The following GAD2 variants were observed in gnomAD, a reference collection of about 807,000 sequenced individuals.
The protein encoded by GAD2 is 65 kDa glutamic acid decarboxylase.
Under a neutral mutation model 80.1 loss-of-function variants are expected in GAD2, and 22 were observed. The observed-to-expected ratio is 0.27, with a 90% confidence interval of 0.20 to 0.39. The LOEUF (loss-of-function observed/expected upper bound fraction) is 0.39, where lower values mean the gene tolerates loss of function less well. Ranked by LOEUF, GAD2 falls within the 10% of genes least tolerant of loss-of-function variation. GAD2 has a pLI of 1.00. For synonymous variants in GAD2, 274 were observed against 256.9 expected, an observed-to-expected ratio of 1.07 and a Z score of -0.64; for missense variants, 624 against 738.4, an observed-to-expected ratio of 0.85 and a Z score of 1.80.
chr10:26,264,474 G>GATTTTTTGT (rs377280028), intron 8 of GAD2, among the ~76,000 whole-genome samples: 10,446 of 151,864 alleles, frequency 0.069, 442 homozygotes, highest in Non-Finnish European at 0.098. Flanking sequence ...ACGCCCGGCT[G>GATTTTTTGT]ATTTTTTGTA....
At chr10:26,277,515 C>G (rs1845223685) in intron 11 of GAD2, among the ~76,000 whole-genome samples, 1 of 152,164 alleles carries the variant, frequency 6.6e-6, no homozygotes, top group Non-Finnish European at 1.5e-5. Context: ...TGTGATCTCA[C>G]CTGTGTTCTG....
At position 26,219,065 on chromosome 10, in the gene GAD2, A is replaced by C. The variant is rs1432239821; in HGVS notation, c.309A>C (p.Gly103=). The change falls in exon 4 of 16, where the codon GGA becomes GGC. Residue 103 remains glycine, a synonymous_variant. Coordinates refer to ENST00000376261, the MANE Select transcript of GAD2 (RefSeq NM_001134366.2). ...TAGACCTGCTGCCGGCGTGTGATGG[A>C]GAAAGGCCCACTTTGGCGTTTCTGC... ...HATDLLPACD[G]ERPTLAFLQD... 1 of 1,587,924 alleles carries C rather than the reference A, an allele frequency of 6.3e-7. No homozygotes were observed. Among genetic ancestry groups the C allele is most frequent in the South Asian group, 1.2e-5 (1 of 86,418 alleles).
rs144177235 is a variant in GAD2 at position 26,232,405 on chromosome 10, T to C, written c.840+2628T>C. ...ACTGAGACTTGATCAGGCCATGTGG[T>C]CTGAGGATCTAAAAATAACAATTTT... On this transcript the variant is annotated intron_variant, in intron 7 of 15. Transcript: ENST00000376261. 2.7e-4 allele frequency among the ~76,000 whole-genome samples: 41 copies of C among 152,124 alleles called. No individual in the cohort carries two copies. In the East Asian group the frequency reaches 7.5e-3, roughly 28 times the overall value.
At chr10:26,269,440 G>A (rs139876142) in intron 9 of GAD2, among the ~76,000 whole-genome samples, 80 of 152,328 alleles carry the variant, frequency 5.3e-4, no homozygotes, top group African/African-American at 1.8e-3. Flanking sequence ...ACTGAGGGTT[G>A]GCATGAAACA....
chr10:26,244,166 A>C (rs1421062244), intron 7 of GAD2, among the ~76,000 whole-genome samples: 1 of 152,232 alleles, frequency 6.6e-6, no homozygotes, highest in African/African-American at 2.4e-5. Flanking sequence ...GGAAATGCAA[A>C]TCCGAAGCAT....
At position 26,302,818 on chromosome 10, in the gene GAD2, G is replaced by C. The variant is rs1035430751; in HGVS notation, c.*1857G>C. ...CCCTTTCTGTCTAGAAAAACAAATG[G>C]GTTCACTATGACAATCAGAAATAAA... On this transcript the variant is annotated 3_prime_UTR_variant, in exon 16 of 16. Transcript: ENST00000376261. 24 of 152,212 alleles carry C rather than the reference G, an allele frequency of 1.6e-4. No individual in the cohort carries two copies. Among genetic ancestry groups the C allele is most frequent in the African/African-American group, 5.8e-4 (24 of 41,530 alleles). The allele number at this position is 152,212 out of a possible 1,614,324, so 9.4% of individuals were successfully genotyped here.
intron 8 of GAD2, among the ~76,000 whole-genome samples, chr10:26,249,853 G>A (rs1386174975): frequency 6.6e-6 from 1 of 152,118 alleles, no homozygotes; most frequent in Non-Finnish European, 1.5e-5. Context: ...GAGGAGTGGT[G>A]GGGGAAAGGG....
At chr10:26,280,240 A>G (rs1049025152) in intron 11 of GAD2, among the ~76,000 whole-genome samples, 1 of 152,144 alleles carries the variant, frequency 6.6e-6, no homozygotes, top group East Asian at 1.9e-4. Context: ...GAACTCCAAA[A>G]AACTGAGACA....
chr10:26,280,986 C>T (rs1845264579), intron 11 of GAD2, 23 bp from the exon 12 acceptor site: 4 of 1,602,366 alleles, frequency 2.5e-6, no homozygotes, highest in Non-Finnish European at 2.6e-6. Flanking sequence ...GTGCCACCCG[C>T]TTATGTGATT....
rs189391357 is a variant in GAD2 at position 26,221,951 on chromosome 10, G to A, written c.521-1936G>A. 5.5e-4 allele frequency among the ~76,000 whole-genome samples: 84 copies of A among 152,282 alleles called. 2 individuals carry two copies. Among genetic ancestry groups the A allele is most frequent in the African/African-American group, 2.0e-3 (83 of 41,562 alleles). On this transcript the variant is annotated intron_variant, in intron 4 of 15. Coordinates refer to ENST00000376261, the MANE Select transcript of GAD2 (RefSeq NM_001134366.2). ...GAGAGAGCCCTGCCTTGATTTGCTG[G>A]GCAGCCCTAGGAAGCAGCCTGTAGG...
At position 26,302,729 on chromosome 10, in the gene GAD2, C is replaced by G. The variant is rs1834340142; in HGVS notation, c.*1768C>G. On this transcript the variant is annotated 3_prime_UTR_variant, in exon 16 of 16. Coordinates refer to ENST00000376261, the MANE Select transcript of GAD2 (RefSeq NM_001134366.2). ...ATCTGAAATTTTCATAAGCTTCCCC[C>G]TACATTATTTCTCCTAGGCTATATG... The G allele has an allele frequency of 6.6e-6, 1 of 152,238 alleles. No homozygotes were observed. Among genetic ancestry groups the G allele is most frequent in the Admixed American group, 6.5e-5 (1 of 15,286 alleles). The allele number at this position is 152,238 out of a possible 1,614,324, so 9.4% of individuals were successfully genotyped here. A position where few individuals can be genotyped will look rare whatever the true frequency, so the allele number is the denominator to read the frequency against.
intron 6 of GAD2, among the ~76,000 whole-genome samples, chr10:26,227,485 A>T (rs1844543070): frequency 6.6e-6 from 1 of 152,202 alleles, no homozygotes; most frequent in Non-Finnish European, 1.5e-5. Flanking sequence ...AATGCACATG[A>T]AGAGCACTTT....
At chr10:26,279,055 C>T (rs2132310893) in intron 11 of GAD2, among the ~76,000 whole-genome samples, 1 of 152,120 alleles carries the variant, frequency 6.6e-6, no homozygotes, top group South Asian at 2.1e-4. Context: ...TTCCTTCCTC[C>T]TTTATGCCAC....
intron 8 of GAD2, among the ~76,000 whole-genome samples, chr10:26,257,696 C>T (rs186866761): frequency 5.9e-5 from 9 of 152,288 alleles, no homozygotes; most frequent in African/African-American, 1.4e-4. Flanking sequence ...TTCTTTTAAA[C>T]GTATCACTCC....
At chr10:26,271,486 A>G (rs1845136015) in intron 10 of GAD2, among the ~76,000 whole-genome samples, 1 of 152,246 alleles carries the variant, frequency 6.6e-6, no homozygotes, top group Non-Finnish European at 1.5e-5. Flanking sequence ...TTAATGATCC[A>G]TATGAGATAA....
In GAD2 at chr10:26,300,909, A is replaced by G. The variant is rs1444558033; in HGVS notation, c.1706A>G (p.Gln569Arg). ...MVISNPAATH[Q>R]DIDFLIEEIE... ...ATCTCAAACCCAGCGGCAACTCACC[A>G]AGACATTGACTTCCTGATTGAAGAA... is the stretch of plus-strand genomic sequence containing the variant. The change falls in exon 16 of 16, where the codon CAA (glutamine) becomes CGA (arginine). Residue 569 changes from glutamine (Q) to arginine (R), a missense_variant. Physicochemically the swap from Gln to Arg is conservative, Grantham distance 43. Transcript: ENST00000376261. The G allele has an allele frequency of 6.2e-7, 1 of 1,613,960 alleles. No homozygotes were observed. The highest frequency in any genetic ancestry group is 1.7e-5 in the Admixed American group (1 of 60,008).
chr10:26,281,414 G>GT (rs759373555), intron 12 of GAD2, among the ~76,000 whole-genome samples: 2 of 151,648 alleles, frequency 1.3e-5, no homozygotes, highest in Admixed American at 6.6e-5. Context: ...AAATTTCCAG[G>GT]TTTTTTTTCT....
At chr10:26,293,195 TGAGATGGAGTCTCAC>T (rs1834238586) in intron 15 of GAD2, among the ~76,000 whole-genome samples, 1 of 146,036 alleles carries the variant, frequency 6.8e-6, no homozygotes. Flanking sequence ...TTTTTTTTTT[TGAGATGGAGTCTCAC>T]TGTGTCTTCC....
Position 26,288,621 on chromosome 10 carries a change from G to A in GAD2, c.1386+2127G>A, listed in dbSNP as rs547832076. Among the ~76,000 whole-genome samples, 7 of 152,310 alleles carry A rather than the reference G, an allele frequency of 4.6e-5. No individual in the cohort carries two copies. The East Asian group carries it at 7.7e-4, about 17-fold the overall frequency. On this transcript the variant is annotated intron_variant, in intron 13 of 15. Coordinates refer to ENST00000376261, the MANE Select transcript of GAD2 (RefSeq NM_001134366.2). ...CATTGATTGGTGGGAATTACAAAAT[G>A]ATGAATGTAAATATCAGGTAGCAAG...
Sources: allele counts gnomAD v4.1 joint callset (sites outside exome capture counted in the v4.1 genomes callset), GRCh38; gene constraint gnomAD v4.1.1; transcripts MANE v1.5; gene names NCBI Gene and HGNC (gene_info 2026-07-23, HGNC 2026-07-21).